Variants in CSMD3 observed in about 807,000 individuals in gnomAD.
CSMD3 encodes CUB and sushi domain-containing protein 3.
CSMD3 carries 177 observed loss-of-function variants against 435.2 expected under a neutral mutation model. The observed-to-expected ratio is 0.41, with a 90% CI of 0.36 to 0.46. The LOEUF (loss-of-function observed/expected upper bound fraction) is 0.46, where lower values mean the gene tolerates loss of function less well. CSMD3 is among the 20% of genes least tolerant of loss of function. CSMD3 has a pLI of 0.34. For synonymous variants in CSMD3, 1,656 were observed against 1,520.5 expected (o/e 1.09, Z -2.07); for missense variants, 4,265 against 4,504.6 (o/e 0.95, Z 1.52).
intron 7 of CSMD3, among the ~76,000 whole-genome samples, chr8:112,965,904 T>C (rs113480409): frequency 2.6e-5 from 4 of 152,018 alleles, no homozygotes; most frequent in African/African-American, 9.6e-5. Context: ...AAAATAAGGA[T>C]GCTATTCAAT....
intron 27 of CSMD3, among the ~76,000 whole-genome samples, chr8:112,543,929 G>A (rs550841716): frequency 3.3e-5 from 5 of 152,206 alleles, no homozygotes; most frequent in African/African-American, 7.2e-5. Context: ...CAACATGAGC[G>A]AACCTTGAGG....
chr8:113,397,932 T>C (rs1489362126), intron 1 of CSMD3, among the ~76,000 whole-genome samples: 3 of 152,156 alleles, frequency 2.0e-5, no homozygotes, highest in Non-Finnish European at 2.9e-5. Context: ...TTGAATATTA[T>C]GTGGCCCTAA....
intron 1 of CSMD3, among the ~76,000 whole-genome samples, chr8:113,387,060 T>TA (rs1263740915): frequency 6.6e-6 from 1 of 151,818 alleles, no homozygotes; most frequent in Non-Finnish European, 1.5e-5. Flanking sequence ...TGTTCCTATA[T>TA]ATAAGACCAT....
intron 53 of CSMD3, among the ~76,000 whole-genome samples, chr8:112,298,105 A>C (rs1436673227): frequency 6.6e-6 from 1 of 151,564 alleles, no homozygotes. Context: ...TAAAGACCCA[A>C]ACAAATGTAC....
At chr8:112,747,183 CTT>C (rs71309787) in intron 13 of CSMD3, among the ~76,000 whole-genome samples, 9 of 26,940 alleles carry the variant, frequency 3.3e-4, no homozygotes, top group Admixed American at 5.5e-4. Flanking sequence ...GCACACTTCC[CTT>C]TTTTTTTTTT....
At chr8:112,236,420 A>G (rs1281376197) in intron 67 of CSMD3, among the ~76,000 whole-genome samples, 1 of 152,078 alleles carries the variant, frequency 6.6e-6, no homozygotes, top group East Asian at 1.9e-4. Context: ...ATTAAGTTGG[A>G]AGGCAAAGAG....
intron 1 of CSMD3, among the ~76,000 whole-genome samples, chr8:113,369,066 A>C (rs1466338535): frequency 6.6e-6 from 1 of 151,980 alleles, no homozygotes; most frequent in African/African-American, 2.4e-5. Flanking sequence ...AGTGAGGCAA[A>C]CAAAAGGAGA....
At chr8:113,069,404 A>T (rs929662522) in intron 5 of CSMD3, among the ~76,000 whole-genome samples, 1 of 152,142 alleles carries the variant, frequency 6.6e-6, no homozygotes, top group Non-Finnish European at 1.5e-5. Flanking sequence ...TTATAGTTAT[A>T]TAGTAATATG....
chr8:112,690,903 G>A (rs933698571), intron 13 of CSMD3, among the ~76,000 whole-genome samples: 1 of 151,866 alleles, frequency 6.6e-6, no homozygotes, highest in Non-Finnish European at 1.5e-5. Flanking sequence ...TTAAAAAAAT[G>A]TAACTTTAAG....
chr8:112,259,274 G>T (rs1816149812), intron 61 of CSMD3, among the ~76,000 whole-genome samples: 2 of 152,156 alleles, frequency 1.3e-5, no homozygotes, highest in Admixed American at 1.3e-4. Context: ...AAAAGGATGA[G>T]TTATTGTCCT....
intron 5 of CSMD3, among the ~76,000 whole-genome samples, chr8:113,030,202 C>T (rs1033684745): frequency 2.1e-4 from 32 of 150,816 alleles, no homozygotes; most frequent in African/African-American, 7.0e-4. Flanking sequence ...GACCATACTG[C>T]CAAAAGCAAT....
At chr8:113,314,938 T>C (rs2093897959) in intron 1 of CSMD3, 145 bp from the exon 2 acceptor site, 1 of 588,180 alleles carries the variant, frequency 1.7e-6, no homozygotes, top group South Asian at 2.3e-5. Context: ...CTGGGCACTA[T>C]ATACAAATAT....
chr8:113,082,899 A>G (rs2089622777), intron 5 of CSMD3, among the ~76,000 whole-genome samples: 1 of 152,186 alleles, frequency 6.6e-6, no homozygotes, highest in Non-Finnish European at 1.5e-5. Context: ...TAACACACTC[A>G]GACAAAAAAA....
At chr8:113,223,169 A>G (rs912477065) in intron 3 of CSMD3, among the ~76,000 whole-genome samples, 8 of 150,686 alleles carry the variant, frequency 5.3e-5, no homozygotes, top group African/African-American at 1.9e-4. Flanking sequence ...TTTTTGAATG[A>G]ATTAATATTT....
At chr8:113,053,332 TTA>T (rs746616477) in intron 5 of CSMD3, among the ~76,000 whole-genome samples, 35 of 152,182 alleles carry the variant, frequency 2.3e-4, no homozygotes, top group Non-Finnish European at 4.9e-4. Context: ...CTGGTTAAAA[TTA>T]TATAATTTAA....
intron 13 of CSMD3, among the ~76,000 whole-genome samples, chr8:112,776,384 A>G (rs1398568856): frequency 6.6e-6 from 1 of 151,760 alleles, no homozygotes; most frequent in African/African-American, 2.4e-5. Flanking sequence ...TCTTACGAAA[A>G]TACATCATCA....
At chr8:112,256,161 ACTTGAAC>A (rs1815778146) in intron 61 of CSMD3, among the ~76,000 whole-genome samples, 1 of 152,182 alleles carries the variant, frequency 6.6e-6, no homozygotes, top group Non-Finnish European at 1.5e-5. Context: ...GGTTTGGGGC[ACTTGAAC>A]ATGTCAGTAA....
intron 58 of CSMD3, among the ~76,000 whole-genome samples, chr8:112,285,809 T>A (rs1424811713): frequency 6.6e-6 from 1 of 152,048 alleles, no homozygotes; most frequent in African/African-American, 2.4e-5. Context: ...AGCCTCTGCC[T>A]CCTGGACTCA....
At chr8:113,429,216 T>C (rs2094655198) in intron 1 of CSMD3, among the ~76,000 whole-genome samples, 1 of 149,440 alleles carries the variant, frequency 6.7e-6, no homozygotes, top group Non-Finnish European at 1.5e-5. Flanking sequence ...TATTGTTTCT[T>C]ATAGAATTTT....
Sources: allele counts gnomAD v4.1 joint callset (sites outside exome capture counted in the v4.1 genomes callset), GRCh38; gene constraint gnomAD v4.1.1; transcripts MANE v1.5; gene names NCBI Gene and HGNC (gene_info 2026-07-23, HGNC 2026-07-21).